FAM222A: variants seen among roughly 807,000 people sequenced by gnomAD.
FAM222A encodes family with sequence similarity 222 member A.
In FAM222A, 7 loss-of-function variants were observed where a neutral mutation model predicts 25.8. The observed-to-expected ratio is 0.27, with a 90% CI of 0.15 to 0.51. The LOEUF is 0.51. Among genes scored for constraint, FAM222A ranks in the 20% least tolerant of loss-of-function variants. The pLI is 0.97. For synonymous variants in FAM222A, 294 were observed against 298.8 expected (o/e 0.98, Z 0.17); for missense variants, 573 against 640.5 (o/e 0.89, Z 1.14).
chr12:109,731,753 C>T (rs369397320), intron 1 of FAM222A, among the ~76,000 whole-genome samples: 4 of 152,022 alleles, frequency 2.6e-5, no homozygotes, highest in Admixed American at 1.3e-4. Context: ...CTCTGGGGCC[C>T]GTGTGTTCTG....
chr12:109,755,482 C>A (rs538487266), intron 2 of FAM222A, among the ~76,000 whole-genome samples: 51 of 151,716 alleles, frequency 3.4e-4, no homozygotes, highest in African/African-American at 1.2e-3. Flanking sequence ...GCATGCGCCA[C>A]CATGGCCAGC....
chr12:109,762,387 A>C (rs1888922956), intron 2 of FAM222A, among the ~76,000 whole-genome samples: 1 of 152,192 alleles, frequency 6.6e-6, no homozygotes. Context: ...AGGTCCCAAG[A>C]GAACATATTC....
In FAM222A at chr12:109,767,901, TAAG is replaced by T. The variant is rs371352811; in HGVS notation, c.83-110_83-108del. On this transcript the variant is annotated intron_variant, in intron 2 of 2. Transcript: ENST00000538780. Reference sequence around the variant, plus strand: ...TCGAAGTTTAAAAATGTAGAAGGAATAAGGAGTAAAATGAATGGGAAATGAGTG... The same window carrying T: ...TCGAAGTTTAAAAATGTAGAAGGAATGAGTAAAATGAATGGGAAATGAGTG... The T allele has an allele frequency of 4.6e-4, 491 of 1,066,362 alleles. 5 individuals are homozygous for T. The East Asian group carries it at 0.011, about 23-fold the overall frequency. The allele number at this position is 1,066,362 out of a possible 1,614,324, so 66.1% of individuals were successfully genotyped here.
At chr12:109,750,139 CTTTG>C (rs1888521992) in intron 2 of FAM222A, among the ~76,000 whole-genome samples, 1 of 152,142 alleles carries the variant, frequency 6.6e-6, no homozygotes, top group Non-Finnish European at 1.5e-5. Context: ...GTGTTCTCTG[CTTTG>C]TTTTGTGTAC....
intron 1 of FAM222A, chr12:109,735,959 G>A (rs568444366): frequency 6.6e-6 from 1 of 152,420 alleles, no homozygotes; most frequent in Admixed American, 6.5e-5. Context: ...TGGGAAGAGT[G>A]AAACTGCCCT....
intron 1 of FAM222A, among the ~76,000 whole-genome samples, chr12:109,731,503 CAA>C (rs1887947035): frequency 1.3e-5 from 2 of 152,210 alleles, no homozygotes; most frequent in South Asian, 2.1e-4. Context: ...TATTCACACT[CAA>C]GAGAAGGGCT....
At chr12:109,748,440 A>C (rs1436768212) in intron 2 of FAM222A, among the ~76,000 whole-genome samples, 1 of 151,422 alleles carries the variant, frequency 6.6e-6, no homozygotes, top group Non-Finnish European at 1.5e-5. Context: ...GAACAGTTTA[A>C]ATAGACATGG....
intron 1 of FAM222A, among the ~76,000 whole-genome samples, chr12:109,728,970 A>G (rs1887890230): frequency 2.9e-5 from 2 of 69,238 alleles, no homozygotes; most frequent in African/African-American, 7.7e-5. Context: ...GTGGGGTTAC[A>G]GGTAAAAAAA....
chr12:109,724,572 G>C (rs1014809501), intron 1 of FAM222A, among the ~76,000 whole-genome samples: 1 of 152,202 alleles, frequency 6.6e-6, no homozygotes, highest in Non-Finnish European at 1.5e-5. Context: ...TTCCCCCGGG[G>C]CCTGCGTGAG....
intron 1 of FAM222A, among the ~76,000 whole-genome samples, chr12:109,737,430 T>A (rs1888116236): frequency 6.6e-6 from 1 of 151,716 alleles, no homozygotes; most frequent in Non-Finnish European, 1.5e-5. Context: ...GGCATCTTTG[T>A]CCTAGAAACC....
chr12:109,769,292 C>T lies in FAM222A; in HGVS notation c.*4C>T, dbSNP rs538907659. 6.2e-7 allele frequency: 1 copy of T among 1,605,572 alleles called. No individual in the cohort carries two copies. The highest frequency in any genetic ancestry group is 1.3e-5 in the African/African-American group (1 of 74,776). On this transcript the variant is annotated 3_prime_UTR_variant, in exon 3 of 3. Transcript: ENST00000538780. ...CCGCCTACCCGTCTACAGATAAGGC[C>T]TGCCCTGCGGACATACGGACATGCG... is the stretch of plus-strand genomic sequence containing the variant.
intron 1 of FAM222A, chr12:109,743,808 A>C: frequency 1.0e-6 from 1 of 980,660 alleles, no homozygotes; most frequent in Non-Finnish European, 1.2e-6. Context: ...TGGGGGCATC[A>C]GGGCAGGCCC....
intron 1 of FAM222A, among the ~76,000 whole-genome samples, chr12:109,718,536 C>G (rs1301713764): frequency 2.1e-5 from 3 of 146,282 alleles, no homozygotes; most frequent in Non-Finnish European, 4.5e-5. Flanking sequence ...ACAAAAGGGC[C>G]GCTTTATTAC....
intron 1 of FAM222A, among the ~76,000 whole-genome samples, chr12:109,733,270 G>A (rs1336051028): frequency 6.6e-6 from 1 of 152,066 alleles, no homozygotes; most frequent in African/African-American, 2.4e-5. Context: ...AAATACCTCA[G>A]GAATTTTTAA....
intron 2 of FAM222A, 71 bp downstream of exon 2, chr12:109,744,299 G>T: frequency 4.6e-6 from 7 of 1,534,772 alleles, no homozygotes; most frequent in Non-Finnish European, 6.1e-6. Context: ...CCCCCAGGAT[G>T]TCCACCTACC....
chr12:109,765,682 C>T (rs1889028317), intron 2 of FAM222A, among the ~76,000 whole-genome samples: 1 of 152,208 alleles, frequency 6.6e-6, no homozygotes, highest in Admixed American at 6.5e-5. Context: ...TGGTTGTGAG[C>T]CCACGAGGTG....
At position 109,714,536 on chromosome 12, in the gene FAM222A, G is replaced by A. The variant is rs374167324; in HGVS notation, c.-408G>A. On this transcript the variant is annotated 5_prime_UTR_variant, in exon 1 of 3. Transcript: ENST00000538780. The surrounding 1 kb of genome is among the most constrained non-coding windows in gnomAD (Gnocchi z 4.2). ...AGCGCGGGCGGAGAGGGCGCCCTGG[G>A]AGCGGCGCGGGCCGAGCTGCAGCCT... 1 of 151,784 alleles carries A rather than the reference G, an allele frequency of 6.6e-6. No individual in the cohort carries two copies. Among genetic ancestry groups the A allele is most frequent in the Admixed American group, 6.6e-5 (1 of 15,250 alleles). 9.4% of individuals were successfully genotyped at this position (151,784 alleles called of 1,614,324 possible).
chr12:109,758,702 T>C (rs991613487), intron 2 of FAM222A, among the ~76,000 whole-genome samples: 1 of 152,062 alleles, frequency 6.6e-6, no homozygotes, highest in African/African-American at 2.4e-5. Flanking sequence ...AGCTAATTAG[T>C]GTCACGTTAA....
At chr12:109,744,918 G>T in intron 2 of FAM222A, 1 of 410,374 alleles carries the variant, frequency 2.4e-6, no homozygotes, top group Non-Finnish European at 3.3e-6. Context: ...CTTTTAAAGG[G>T]ATGTCTGTCT....
Sources: gnomAD v4.1 joint callset for allele counts (sites outside exome capture counted in the v4.1 genomes callset) on GRCh38, gnomAD v4.1.1 for gene constraint, Gnocchi (gnomAD v3.1) non-coding constraint, MANE v1.5 for transcripts, NCBI Gene and HGNC (gene_info 2026-07-23, HGNC 2026-07-21) for gene names.